Variants in SIGIRR observed in about 807,000 individuals in gnomAD.
SIGIRR encodes the protein single Ig IL-1-related receptor.
SIGIRR carries 41 observed loss-of-function variants against 45.6 expected under a neutral mutation model. The ratio of observed to expected loss-of-function variants is 0.90; its 90% CI spans 0.70 to 1.17. The LOEUF is 1.17. Among genes scored for constraint, SIGIRR ranks in the 50% most tolerant of loss-of-function variants. The probability of loss-of-function intolerance (pLI) is 0.00; values close to 1 mark genes in which losing one functional copy is unlikely to be tolerated. For missense variants in SIGIRR, 599 were observed against 539.6 expected, an observed-to-expected ratio of 1.11 and a Z score of -1.09; for synonymous variants, 298 against 239.0, an observed-to-expected ratio of 1.25 and a Z score of -2.28.
rs764293380 is a variant in SIGIRR, at chr11:406,463, C to G, written c.955G>C (p.Asp319His). Residue 319 changes from aspartate to histidine, a missense_variant, in exon 9 of 10, where the codon GAC becomes CAC. Transcript: ENST00000431843. Reference sequence around the variant, plus strand: ...TCGTCCTGCAGCTGCGTCTGGGGGTCTCCTTCCACAGGCCTGTACTGCACC... The same window carrying G: ...TCGTCCTGCAGCTGCGTCTGGGGGTGTCCTTCCACAGGCCTGTACTGCACC... ...RKVQYRPVEGDPQTQLQDDKD... is the reference protein window; with the variant it reads ...RKVQYRPVEGHPQTQLQDDKD... 2.5e-6 allele frequency: 4 copies of G among 1,612,666 alleles called. No individual in the cohort carries two copies. Among genetic ancestry groups the G allele is most frequent in the Non-Finnish European group, 1.7e-6 (2 of 1,179,846 alleles).
At chr11:409,743 T>C in intron 2 of SIGIRR, 125 bp downstream of exon 2, 1 of 1,128,924 alleles carries the variant, frequency 8.9e-7, no homozygotes, top group Non-Finnish European at 1.2e-6. Flanking sequence ...CAGGGGCCTT[T>C]GTACCCCCGG....
chr11:406,654 TC>T, intron 8 of SIGIRR, 116 bp from the exon 9 acceptor site: 1 of 1,427,402 alleles, frequency 7.0e-7, no homozygotes, highest in East Asian at 2.5e-5. Context: ...CGACAGCTAT[TC>T]CGTGGCTCCG....
chr11:416,746 C>T (rs1460117378), upstream of SIGIRR, among the ~76,000 whole-genome samples: 2 of 152,244 alleles, frequency 1.3e-5, no homozygotes, highest in East Asian at 1.9e-4. This position sits in a 1 kb window ranked among gnomAD's most constrained non-coding sequence, Gnocchi z 9.1. Context: ...GGCCGAGGGG[C>T]TCTGGTTCGC....
In SIGIRR at chr11:407,882, T is replaced by C; in HGVS notation, c.416A>G (p.Tyr139Cys). 2.5e-6 allele frequency: 4 copies of C among 1,612,464 alleles called. No homozygotes were observed. The highest frequency in any genetic ancestry group is 3.4e-6 in the Non-Finnish European group (4 of 1,179,812). ...CAGCACGTTGAGACGGCACTTGACA[T>C]AGAGCAGGGCGGCCAGCAGCAGGGC... ...LLALLLAALL[Y>C]VKCRLNVLLW... is the part of the protein sequence containing the mutation. The change falls in exon 5 of 10, where the codon TAT (tyrosine) becomes TGT (cysteine). Residue 139 changes from tyrosine to cysteine, a missense_variant. Transcript: ENST00000431843.
At chr11:406,274 C>T (rs1363800097) in intron 9 of SIGIRR, 75 bp downstream of exon 9, 1 of 1,561,140 alleles carries the variant, frequency 6.4e-7, no homozygotes, top group African/African-American at 1.4e-5. Flanking sequence ...CCTCCAGGCC[C>T]TGTGCCCTGT....
intron 1 of SIGIRR, among the ~76,000 whole-genome samples, chr11:410,781 G>A (rs1229977910): frequency 5.9e-5 from 3 of 51,256 alleles, no homozygotes; most frequent in African/African-American, 2.7e-4. Flanking sequence ...GGATACAGTC[G>A]GGGGGGGGTG....
At chr11:415,829 C>G (rs1390580618), upstream of SIGIRR, among the ~76,000 whole-genome samples, 1 of 152,172 alleles carries the variant, frequency 6.6e-6, no homozygotes, top group Admixed American at 6.5e-5. This position sits in a 1 kb window ranked among gnomAD's most constrained non-coding sequence, Gnocchi z 6.6. Context: ...ACCCAGTGAC[C>G]GGTGGCTGGT....
chr11:413,189 G>C (rs1020742442), intron 1 of SIGIRR, among the ~76,000 whole-genome samples: 1 of 152,176 alleles, frequency 6.6e-6, no homozygotes, highest in African/African-American at 2.4e-5. Flanking sequence ...CAGAGGCAGT[G>C]GCAGGGACAG....
intron 1 of SIGIRR, among the ~76,000 whole-genome samples, chr11:414,033 CCTTCCCCTGCACT>C: frequency 2.9e-5 from 3 of 105,094 alleles, no homozygotes; most frequent in Non-Finnish European, 4.0e-5. Flanking sequence ...CCCCTGCACA[CCTTCCCCTGCACT>C]CTCTCCTCTG....
chr11:410,559 C>T (rs1375572681), intron 1 of SIGIRR, among the ~76,000 whole-genome samples: 1 of 113,252 alleles, frequency 8.8e-6, no homozygotes, highest in Non-Finnish European at 1.7e-5. Flanking sequence ...CCAGCTCTGA[C>T]CATGTCTGGA....
chr11:409,400 A>T, intron 2 of SIGIRR: 1 of 257,154 alleles, frequency 3.9e-6, no homozygotes, highest in Non-Finnish European at 7.6e-6. Context: ...GGGAGCCTGG[A>T]GCAGTTGGCC....
At chr11:406,236 C>A in intron 9 of SIGIRR, 113 bp downstream of exon 9, 2 of 1,542,240 alleles carry the variant, frequency 1.3e-6, no homozygotes, top group Non-Finnish European at 1.7e-6. Context: ...GCTCCCGGTG[C>A]CGGGAAGAGT....
chr11:414,484 G>C (rs377736475), intron 1 of SIGIRR, among the ~76,000 whole-genome samples: 3 of 150,480 alleles, frequency 2.0e-5, no homozygotes, highest in African/African-American at 4.9e-5. Context: ...GTCTCAGCCC[G>C]TGTGCACACT....
Position 413,352 on chromosome 11 carries a change from G to C in SIGIRR, c.-154+1471C>G, listed in dbSNP as rs191342452. ...GGGGTCCTTGAAGAAGTCCTTTGCGGTGGAGGACACTCCAAGGAAAGTCCT... is the reference window on the plus strand; with the variant it reads ...GGGGTCCTTGAAGAAGTCCTTTGCGCTGGAGGACACTCCAAGGAAAGTCCT... On this transcript the variant is annotated intron_variant, in intron 1 of 9. Coordinates refer to ENST00000431843, the MANE Select transcript of SIGIRR (RefSeq NM_001135054.2). Among the ~76,000 whole-genome samples, 5 of 152,144 alleles carry C rather than the reference G, an allele frequency of 3.3e-5. No individual in the cohort carries two copies. The East Asian group carries it at 7.7e-4, about 23-fold the overall frequency.
chr11:416,866 C>T (rs1031489037), upstream of SIGIRR, among the ~76,000 whole-genome samples: 20 of 152,094 alleles, frequency 1.3e-4, no homozygotes, highest in Non-Finnish European at 2.6e-4. The surrounding 1 kb of genome is among the most constrained non-coding windows in gnomAD (Gnocchi z 9.1). Flanking sequence ...GGCGCTCGGC[C>T]GGGGCAGAGG....
In SIGIRR at chr11:407,113, A is replaced by T. The variant is rs1847354802; in HGVS notation, c.677T>A (p.Val226Glu). 6 of 1,524,616 alleles carry T rather than the reference A, an allele frequency of 3.9e-6. No homozygotes were observed. In the Admixed American group the frequency reaches 5.8e-5, roughly 15 times the overall value. 94.4% of individuals were successfully genotyped at this position (1,524,616 alleles called of 1,614,324 possible). The change falls in exon 7 of 10, where the codon GTG becomes GAG. Residue 226 changes from valine to glutamate, a missense_variant. By Grantham distance (121) the Val-to-Glu change is moderately radical (BLOSUM62 -2). Coordinates refer to ENST00000431843, the MANE Select transcript of SIGIRR (RefSeq NM_001135054.2). ...GCTCAGGAAGGCGTCCGAAAGCACCACGATGAGGCGTCGGCAGCGGCTCAG... is the reference window on the plus strand; with the variant it reads ...GCTCAGGAAGGCGTCCGAAAGCACCTCGATGAGGCGTCGGCAGCGGCTCAG... Reference protein sequence around the residue: ...VNLSRCRRLIVVLSDAFLSRA... With the variant: ...VNLSRCRRLIEVLSDAFLSRA...
chr11:415,223 T>C (rs1318029930), upstream of SIGIRR, among the ~76,000 whole-genome samples: 1 of 81,762 alleles, frequency 1.2e-5, no homozygotes, highest in East Asian at 9.7e-4. The surrounding 1 kb of genome is among the most constrained non-coding windows in gnomAD (Gnocchi z 6.6). Context: ...TGTGTGTGTG[T>C]GTGTGTGTGT....
At chr11:413,867 C>A (rs1475719112) in intron 1 of SIGIRR, among the ~76,000 whole-genome samples, 1 of 137,964 alleles carries the variant, frequency 7.2e-6, no homozygotes, top group Non-Finnish European at 1.6e-5. Context: ...CCTCTGCCTG[C>A]CTCCCCCTGC....
chr11:405,721 T>C lies in SIGIRR; in HGVS notation c.*175A>G. Reference sequence around the variant, plus strand: ...GGAGGAGACCGAGGCCCCAGCAGAATCCAAAAGGACTTTATTTTCTGGCAC... The same window carrying C: ...GGAGGAGACCGAGGCCCCAGCAGAACCCAAAAGGACTTTATTTTCTGGCAC... On this transcript the variant is annotated 3_prime_UTR_variant, in exon 10 of 10. Coordinates refer to ENST00000431843, the MANE Select transcript of SIGIRR (RefSeq NM_001135054.2). The C allele has an allele frequency of 1.4e-6, 1 of 719,354 alleles. No individual in the cohort carries two copies. Among genetic ancestry groups the C allele is most frequent in the Non-Finnish European group, 2.2e-6 (1 of 460,822 alleles). 44.6% of individuals were successfully genotyped at this position (719,354 alleles called of 1,614,324 possible).
Sources: gnomAD v4.1 joint callset for allele counts (sites outside exome capture counted in the v4.1 genomes callset) on GRCh38, gnomAD v4.1.1 for gene constraint, Gnocchi (gnomAD v3.1) non-coding constraint, MANE v1.5 for transcripts, NCBI Gene and HGNC (gene_info 2026-07-23, HGNC 2026-07-21) for gene names.